SMAD9: variants seen among roughly 807,000 people sequenced by gnomAD.
SMAD9 encodes the protein MAD homolog 9.
In SMAD9, 36 loss-of-function variants were observed where a neutral mutation model predicts 46.1. The observed-to-expected ratio is 0.78, with a 90% CI of 0.60 to 1.03. The LOEUF (loss-of-function observed/expected upper bound fraction) is 1.03, where lower values mean the gene tolerates loss of function less well. SMAD9 is among the 50% of genes least tolerant of loss of function. The pLI, the probability that SMAD9 is intolerant of heterozygous loss-of-function variation, is 0.00. For missense variants in SMAD9, 572 were observed against 599.8 expected, an observed-to-expected ratio of 0.95 and a Z score of 0.48; for synonymous variants, 245 against 237.1, an observed-to-expected ratio of 1.03 and a Z score of -0.31.
chr13:36,865,856 A>G (rs2138383345), intron 4 of SMAD9, 98 bp from the exon 5 acceptor site: 3 of 1,037,224 alleles, frequency 2.9e-6, no homozygotes, highest in Non-Finnish European at 4.4e-6. Flanking sequence ...TTTTCACCAG[A>G]AAGTCGGCTG....
At chr13:36,914,360 A>G (rs978425670) in intron 1 of SMAD9, among the ~76,000 whole-genome samples, 11 of 152,126 alleles carry the variant, frequency 7.2e-5, no homozygotes, top group African/African-American at 2.4e-4. Flanking sequence ...TCTACTAAAA[A>G]TACAAAAAAT....
intron 1 of SMAD9, among the ~76,000 whole-genome samples, chr13:36,914,026 T>C (rs920590272): frequency 5.3e-5 from 8 of 152,198 alleles, no homozygotes; most frequent in African/African-American, 1.9e-4. Context: ...TAGAACAATG[T>C]CATGAGTGCT....
At chr13:36,860,666 G>A (rs2058172748) in intron 5 of SMAD9, among the ~76,000 whole-genome samples, 1 of 151,508 alleles carries the variant, frequency 6.6e-6, no homozygotes, top group South Asian at 2.1e-4. Flanking sequence ...TGTTAGCCAG[G>A]AGGGTCTCGA....
At chr13:36,888,902 A>G (rs1260642146) in intron 1 of SMAD9, among the ~76,000 whole-genome samples, 1 of 152,182 alleles carries the variant, frequency 6.6e-6, no homozygotes, top group African/African-American at 2.4e-5. Context: ...GAGGACGCAC[A>G]TGAAACTGAC....
At position 36,847,870 on chromosome 13, in the gene SMAD9, C is replaced by T. The variant is rs1033116634; in HGVS notation, c.*806G>A. ...GACTGCCTGACACGAACAACCAGCA[C>T]GACAGGAACCTGGTCTCCTCTGTGG... On this transcript the variant is annotated 3_prime_UTR_variant, in exon 7 of 7. Transcript: ENST00000379826. The T allele has an allele frequency of 2.6e-5, 4 of 152,382 alleles. No homozygotes were observed. The highest frequency in any genetic ancestry group is 6.8e-3 in the Middle Eastern group (2 of 294). 9.4% of individuals were successfully genotyped at this position (152,382 alleles called of 1,614,324 possible).
chr13:36,917,815 G>A (rs2058710403), intron 1 of SMAD9, among the ~76,000 whole-genome samples: 1 of 152,166 alleles, frequency 6.6e-6, no homozygotes, highest in African/African-American at 2.4e-5. Context: ...ATCCTACGGT[G>A]CTCACTTACG....
chr13:36,883,210 A>G (rs1291626437), intron 1 of SMAD9, among the ~76,000 whole-genome samples: 3 of 152,102 alleles, frequency 2.0e-5, no homozygotes, highest in Admixed American at 6.6e-5. Context: ...TCATCTCCTG[A>G]TAACTCCACG....
At chr13:36,879,999 G>A in intron 1 of SMAD9, 124 bp from the exon 2 acceptor site, 1 of 405,478 alleles carries the variant, frequency 2.5e-6, no homozygotes, top group Non-Finnish European at 4.6e-6. Flanking sequence ...AATGGCTCGA[G>A]CCCAGGAGGT....
intron 1 of SMAD9, among the ~76,000 whole-genome samples, chr13:36,894,416 TCA>T (rs976104323): frequency 6.6e-6 from 1 of 152,156 alleles, no homozygotes; most frequent in Non-Finnish European, 1.5e-5. Context: ...TGAGGCCTCT[TCA>T]GCCATGCAGA....
At chr13:36,904,397 G>A (rs558767184) in intron 1 of SMAD9, among the ~76,000 whole-genome samples, 2 of 152,252 alleles carry the variant, frequency 1.3e-5, no homozygotes, top group East Asian at 1.9e-4. Context: ...GGTGCGAATC[G>A]CTCTATCCAA....
In SMAD9 at chr13:36,879,730, A is replaced by G. The variant is rs776482371; in HGVS notation, c.-41T>C. 20 of 1,610,762 alleles carry G rather than the reference A, an allele frequency of 1.2e-5. No individual in the cohort carries two copies. The highest frequency in any genetic ancestry group is 1.6e-5 in the Non-Finnish European group (19 of 1,179,500). ...GCTCCGGCGCGCACGGGAACCGCAC[A>G]GCCCTTCACGGCAAAGTGGGCGGCG... On this transcript the variant is annotated 5_prime_UTR_variant, in exon 2 of 7. Coordinates refer to ENST00000379826, the MANE Select transcript of SMAD9 (RefSeq NM_001127217.3).
intron 1 of SMAD9, among the ~76,000 whole-genome samples, chr13:36,885,193 C>T (rs2058434834): frequency 6.6e-6 from 1 of 152,158 alleles, no homozygotes; most frequent in African/African-American, 2.4e-5. Context: ...ACTTTTTGTA[C>T]ACTGGTAATT....
chr13:36,883,384 C>A (rs1339193371), intron 1 of SMAD9, among the ~76,000 whole-genome samples: 1 of 152,142 alleles, frequency 6.6e-6, no homozygotes, highest in Non-Finnish European at 1.5e-5. Context: ...CCTGAGGGGG[C>A]GGAAAGTCTG....
intron 1 of SMAD9, among the ~76,000 whole-genome samples, chr13:36,912,508 T>C (rs2058669531): frequency 6.6e-6 from 1 of 152,162 alleles, no homozygotes; most frequent in East Asian, 1.9e-4. Flanking sequence ...TAGAAGAGTG[T>C]ATTCAAAGTG....
chr13:36,899,993 A>C (rs767789797), intron 1 of SMAD9, among the ~76,000 whole-genome samples: 7 of 152,140 alleles, frequency 4.6e-5, no homozygotes, highest in Non-Finnish European at 1.0e-4. Flanking sequence ...ATGGCCTGCA[A>C]GGTCCTACAC....
At chr13:36,849,422 G>A (rs148242875) in intron 6 of SMAD9, 8 of 152,302 alleles carry the variant, frequency 5.3e-5, no homozygotes, top group Non-Finnish European at 8.8e-5. Flanking sequence ...AATGAAGGGA[G>A]ATCACAGCCA....
intron 5 of SMAD9, among the ~76,000 whole-genome samples, chr13:36,857,516 G>A (rs2058138248): frequency 6.6e-6 from 1 of 152,158 alleles, no homozygotes; most frequent in African/African-American, 2.4e-5. Context: ...GTGGAGTCCT[G>A]TGTTGTGGTT....
rs117560648 is a variant in SMAD9 at position 36,846,460 on chromosome 13, C to A, written c.*2216G>T. 5 of 112,020 alleles carry A rather than the reference C, an allele frequency of 4.5e-5. No individual in the cohort carries two copies. Among genetic ancestry groups the A allele is most frequent in the Non-Finnish European group, 5.0e-5 (3 of 59,880 alleles). The allele number at this position is 112,020 out of a possible 1,614,324, so 6.9% of individuals were successfully genotyped here. On this transcript the variant is annotated 3_prime_UTR_variant, in exon 7 of 7. Coordinates refer to ENST00000379826, the MANE Select transcript of SMAD9 (RefSeq NM_001127217.3). ...ACTGCACTCTGGCCTGGTGACACAG[C>A]GAGACTCCATCTCAAAAAAAAAAAA...
chr13:36,873,766 G>C (rs370555751), intron 2 of SMAD9, among the ~76,000 whole-genome samples: 1 of 152,144 alleles, frequency 6.6e-6, no homozygotes, highest in East Asian at 1.9e-4. Flanking sequence ...AGGAGGCTGA[G>C]GCAGGAGAAT....
Sources: gnomAD v4.1 joint callset for allele counts (sites outside exome capture counted in the v4.1 genomes callset) on GRCh38, gnomAD v4.1.1 for gene constraint, MANE v1.5 for transcripts, NCBI Gene and HGNC (gene_info 2026-07-23, HGNC 2026-07-21) for gene names.